Variants in ST7L observed in about 807,000 individuals in gnomAD.
ST7L encodes suppression of tumorigenicity 7 like, also known as suppressor of tumorigenicity 7 protein-like.
A neutral mutation model predicts 72.5 loss-of-function variants in ST7L; 57 were observed. The observed-to-expected ratio is 0.79, with a 90% confidence interval of 0.64 to 0.98. The LOEUF is 0.98. Among genes scored for constraint, ST7L ranks in the 50% least tolerant of loss-of-function variants. The pLI, the probability that ST7L is intolerant of heterozygous loss-of-function variation, is 0.00. For missense variants in ST7L, 576 were observed against 672.2 expected, an observed-to-expected ratio of 0.86 and a Z score of 1.58; for synonymous variants, 221 against 240.9, an observed-to-expected ratio of 0.92 and a Z score of 0.77.
intron 13 of ST7L, among the ~76,000 whole-genome samples, chr1:112,550,014 C>T (rs546271688): frequency 7.2e-5 from 11 of 152,174 alleles, no homozygotes; most frequent in African/African-American, 2.6e-4. Flanking sequence ...GAATGAGAGC[C>T]AGATTTTGTC....
downstream of ST7L, chr1:112,521,662 T>TC (rs1021895112): frequency 2.0e-5 from 3 of 152,210 alleles, no homozygotes; most frequent in African/African-American, 4.8e-5. Context: ...TTAGTGACTC[T>TC]CCAAGTCCTA....
intron 4 of ST7L, among the ~76,000 whole-genome samples, chr1:112,599,566 GA>G (rs1307689957): frequency 6.6e-6 from 1 of 152,182 alleles, no homozygotes; most frequent in East Asian, 1.9e-4. Flanking sequence ...AACCAGAAGA[GA>G]AATGGACACA....
chr1:112,576,141 A>G (rs1329622711), intron 11 of ST7L, among the ~76,000 whole-genome samples: 4 of 152,084 alleles, frequency 2.6e-5, no homozygotes, highest in Admixed American at 2.6e-4. Flanking sequence ...CCAAGGCTTC[A>G]GTGCAGTGGC....
At chr1:112,526,188 C>A in intron 14 of ST7L, 77 bp from the exon 15 acceptor site, 1 of 1,594,944 alleles carries the variant, frequency 6.3e-7, no homozygotes, top group South Asian at 1.1e-5. Context: ...TATCTGAGCA[C>A]AGTTTACAAA....
intron 14 of ST7L, among the ~76,000 whole-genome samples, chr1:112,534,786 ACTAT>A (rs1471178677): frequency 6.6e-6 from 1 of 152,194 alleles, no homozygotes; most frequent in Admixed American, 6.5e-5. Flanking sequence ...GATTTATATC[ACTAT>A]CTAAGCACAG....
intron 11 of ST7L, among the ~76,000 whole-genome samples, chr1:112,575,034 C>T (rs1046145925): frequency 1.3e-5 from 2 of 151,926 alleles, no homozygotes; most frequent in Non-Finnish European, 2.9e-5. Flanking sequence ...GTCAGGAGAT[C>T]GAGACCATAC....
chr1:112,601,863 A>C (rs1444108858), intron 3 of ST7L, among the ~76,000 whole-genome samples: 1 of 151,900 alleles, frequency 6.6e-6, no homozygotes, highest in Non-Finnish European at 1.5e-5. Flanking sequence ...CAGATCACCT[A>C]AGGTCAGTAG....
chr1:112,559,120 C>T (rs1261465720), intron 11 of ST7L, among the ~76,000 whole-genome samples: 1 of 152,100 alleles, frequency 6.6e-6, no homozygotes, highest in Non-Finnish European at 1.5e-5. Flanking sequence ...AGCCTTAAAC[C>T]CCAACATGTT....
intron 3 of ST7L, 192 bp downstream of exon 3, chr1:112,610,649 C>G (rs766391279): frequency 1.7e-6 from 1 of 604,472 alleles, no homozygotes; most frequent in Non-Finnish European, 2.7e-6. Flanking sequence ...CATCACATCC[C>G]TGAGGGCACT....
intron 13 of ST7L, among the ~76,000 whole-genome samples, chr1:112,548,455 T>C (rs915945397): frequency 6.6e-6 from 1 of 152,094 alleles, no homozygotes; most frequent in Admixed American, 6.6e-5. Flanking sequence ...GAATTCAGAG[T>C]AGGAAGAGAT....
chr1:112,587,112 T>A (rs1296886932), intron 6 of ST7L, among the ~76,000 whole-genome samples: 1 of 152,192 alleles, frequency 6.6e-6, no homozygotes, highest in African/African-American at 2.4e-5. Context: ...TGATGATTTG[T>A]CCCTATGCTT....
chr1:112,613,194 G>A (rs1007734654), intron 2 of ST7L, among the ~76,000 whole-genome samples: 1 of 152,056 alleles, frequency 6.6e-6, no homozygotes, highest in Non-Finnish European at 1.5e-5. Flanking sequence ...AAGTGCAGGT[G>A]GGTTTTCTAA....
Position 112,564,979 on chromosome 1 carries a change from C to G in ST7L, c.1246-8961G>C, listed in dbSNP as rs183670072. Reference sequence around the variant, plus strand: ...GCACTTAAAAGTCTCCAGGTATAGTCTACTTTCTTGGCAGCATAACACTAA... The same window carrying G: ...GCACTTAAAAGTCTCCAGGTATAGTGTACTTTCTTGGCAGCATAACACTAA... On this transcript the variant is annotated intron_variant, in intron 11 of 14. Coordinates refer to ENST00000358039, the MANE Select transcript of ST7L (RefSeq NM_017744.5). Among the ~76,000 whole-genome samples, 339 of 151,766 alleles carry G rather than the reference C, an allele frequency of 2.2e-3. 2 individuals carry two copies. Among genetic ancestry groups the G allele is most frequent in the Admixed American group, 4.3e-3 (66 of 15,236 alleles).
At chr1:112,556,967 A>AAAAAAAAAAAAAAAAAC in intron 11 of ST7L, among the ~76,000 whole-genome samples, 2 of 54,332 alleles carry the variant, frequency 3.7e-5, no homozygotes, top group African/African-American at 3.1e-4. Flanking sequence ...ACTCTGTCTC[A>AAAAAAAAAAAAAAAAAC]AAAAAAAAAA....
intron 14 of ST7L, among the ~76,000 whole-genome samples, chr1:112,538,915 T>G (rs1456684542): frequency 6.6e-6 from 1 of 152,206 alleles, no homozygotes; most frequent in African/African-American, 2.4e-5. Flanking sequence ...AGAGGTAGTA[T>G]TATTCTCATT....
In ST7L at chr1:112,585,940, A is replaced by G. The variant is rs546798863; in HGVS notation, c.702-1814T>C. 3.3e-5 allele frequency among the ~76,000 whole-genome samples: 5 copies of G among 152,312 alleles called. No homozygotes were observed. The South Asian group carries it at 1.0e-3, about 32-fold the overall frequency. On this transcript the variant is annotated intron_variant, in intron 6 of 14. Transcript: ENST00000358039. ...ACGTACAAGACCAAGCATTAAACAA[A>G]AGTGATGGCAGGTAGCTATCGTTAA...
chr1:112,569,242 T>C (rs773844018), intron 11 of ST7L, among the ~76,000 whole-genome samples: 3 of 152,148 alleles, frequency 2.0e-5, no homozygotes, highest in African/African-American at 4.8e-5. Context: ...ATTGAAAAAT[T>C]TATGTTCACA....
intron 9 of ST7L, among the ~76,000 whole-genome samples, chr1:112,579,216 C>T (rs527543901): frequency 4.6e-5 from 7 of 151,718 alleles, no homozygotes; most frequent in Non-Finnish European, 1.0e-4. Context: ...AACCCTGTCT[C>T]TACTAAAAAT....
At chr1:112,576,037 G>A (rs1027332473) in intron 11 of ST7L, among the ~76,000 whole-genome samples, 5 of 152,116 alleles carry the variant, frequency 3.3e-5, no homozygotes, top group Non-Finnish European at 5.9e-5. Context: ...TCCGTAGTAA[G>A]GGCATCTATT....
Sources: allele counts gnomAD v4.1 joint callset (sites outside exome capture counted in the v4.1 genomes callset), GRCh38; gene constraint gnomAD v4.1.1; transcripts MANE v1.5; gene names NCBI Gene and HGNC (gene_info 2026-07-23, HGNC 2026-07-21).